The following TBC1D22A variants were observed in gnomAD, a reference collection of about 807,000 sequenced individuals.
TBC1D22A encodes putative GTPase activator.
A neutral mutation model predicts 60.2 loss-of-function variants in TBC1D22A; 38 were observed. The observed-to-expected ratio is 0.63, with a 90% CI of 0.49 to 0.83. The LOEUF (loss-of-function observed/expected upper bound fraction) is 0.83, where lower values mean the gene tolerates loss of function less well. Ranked by LOEUF, TBC1D22A falls within the 40% of genes least tolerant of loss-of-function variation. TBC1D22A has a pLI of 0.00. For synonymous variants in TBC1D22A, 302 were observed against 281.7 expected (o/e 1.07, Z -0.72); for missense variants, 628 against 701.0 (o/e 0.90, Z 1.18).
chr22:46,933,306 G>T (rs1381961060), intron 8 of TBC1D22A, among the ~76,000 whole-genome samples: 2 of 152,216 alleles, frequency 1.3e-5, no homozygotes, highest in African/African-American at 4.8e-5. Context: ...TCAAGGTGAG[G>T]TGCAGGTCCT....
chr22:46,867,120 A>G (rs1216429430), intron 4 of TBC1D22A, among the ~76,000 whole-genome samples: 1 of 152,246 alleles, frequency 6.6e-6, no homozygotes, highest in Non-Finnish European at 1.5e-5. Context: ...GACTTTATTA[A>G]TTCAGCTACG....
At chr22:47,081,314 C>T (rs150182484) in intron 11 of TBC1D22A, among the ~76,000 whole-genome samples, 1 of 152,236 alleles carries the variant, frequency 6.6e-6, no homozygotes, top group African/African-American at 2.4e-5. Context: ...GTGGTAGAAA[C>T]GCTCCATAAA....
intron 8 of TBC1D22A, among the ~76,000 whole-genome samples, chr22:46,916,349 G>A (rs543976457): frequency 6.6e-6 from 1 of 152,320 alleles, no homozygotes; most frequent in Admixed American, 6.5e-5. Flanking sequence ...GTTAGGGTTC[G>A]ATGGGTCTCC....
intron 10 of TBC1D22A, among the ~76,000 whole-genome samples, chr22:47,033,249 T>A (rs1050437804): frequency 6.6e-6 from 1 of 152,204 alleles, no homozygotes; most frequent in Non-Finnish European, 1.5e-5. Flanking sequence ...TCGTAGAACT[T>A]TCTATCAGTT....
chr22:47,158,157 C>T (rs145114226), intron 12 of TBC1D22A, among the ~76,000 whole-genome samples: 1 of 152,216 alleles, frequency 6.6e-6, no homozygotes, highest in African/African-American at 2.4e-5. Flanking sequence ...GTTCTGCACC[C>T]AGCCCCTCCC....
chr22:46,905,403 G>A (rs1257185930), intron 7 of TBC1D22A, among the ~76,000 whole-genome samples: 1 of 152,218 alleles, frequency 6.6e-6, no homozygotes, highest in African/African-American at 2.4e-5. Context: ...AGGAGCTCAG[G>A]GTCTGTGCCT....
At chr22:46,824,167 G>A (rs1443496355) in intron 4 of TBC1D22A, among the ~76,000 whole-genome samples, 1 of 152,208 alleles carries the variant, frequency 6.6e-6, no homozygotes, top group Non-Finnish European at 1.5e-5. Flanking sequence ...TAAGCCTAGA[G>A]TGTGTTTCCT....
intron 4 of TBC1D22A, among the ~76,000 whole-genome samples, chr22:46,810,293 G>A (rs779259641): frequency 1.3e-5 from 2 of 152,162 alleles, no homozygotes; most frequent in East Asian, 3.8e-4. Context: ...CTTCGCTCCC[G>A]ACCCTTCTAT....
chr22:46,984,846 C>T (rs915275779), intron 9 of TBC1D22A, among the ~76,000 whole-genome samples: 1 of 152,196 alleles, frequency 6.6e-6, no homozygotes, highest in African/African-American at 2.4e-5. Context: ...GTGGACTCTG[C>T]CTGTGAGCAG....
chr22:46,873,358 C>A (rs1359075553), intron 4 of TBC1D22A, among the ~76,000 whole-genome samples: 1 of 152,112 alleles, frequency 6.6e-6, no homozygotes, highest in Non-Finnish European at 1.5e-5. Flanking sequence ...CCCTTTAACA[C>A]GTACTAGAAT....
intron 10 of TBC1D22A, among the ~76,000 whole-genome samples, chr22:47,008,378 G>C (rs1313612409): frequency 6.6e-6 from 1 of 152,212 alleles, no homozygotes. Flanking sequence ...AGCTGTGGGT[G>C]TGGCCTTGAT....
intron 4 of TBC1D22A, among the ~76,000 whole-genome samples, chr22:46,870,552 T>C (rs1287171798): frequency 3.3e-5 from 5 of 152,228 alleles, no homozygotes; most frequent in African/African-American, 7.2e-5. Flanking sequence ...TGTGTGAAAA[T>C]ATAGAGACAG....
At chr22:47,035,722 A>G (rs1288194134) in intron 10 of TBC1D22A, among the ~76,000 whole-genome samples, 3 of 152,140 alleles carry the variant, frequency 2.0e-5, no homozygotes, top group East Asian at 1.9e-4. Flanking sequence ...AGAGCTGCCC[A>G]TGCTTTTCCA....
At chr22:46,769,118 A>G (rs1372725012) in intron 1 of TBC1D22A, among the ~76,000 whole-genome samples, 13 of 137,442 alleles carry the variant, frequency 9.5e-5, no homozygotes, top group African/African-American at 3.2e-4. Flanking sequence ...AAAAAAAAAG[A>G]AAGTGTTATG....
At chr22:47,170,430 A>G (rs1248588895) in intron 12 of TBC1D22A, among the ~76,000 whole-genome samples, 1 of 152,240 alleles carries the variant, frequency 6.6e-6, no homozygotes, top group Non-Finnish European at 1.5e-5. Context: ...GTTGCATCTA[A>G]TGGTGAAAGA....
At chr22:46,769,810 G>A (rs1465425679) in intron 1 of TBC1D22A, among the ~76,000 whole-genome samples, 1 of 152,140 alleles carries the variant, frequency 6.6e-6, no homozygotes, top group Non-Finnish European at 1.5e-5. Flanking sequence ...GAGGAAACTG[G>A]TGGGCTTCTG....
chr22:46,922,645 A>G (rs2070823078), intron 8 of TBC1D22A, among the ~76,000 whole-genome samples: 3 of 152,104 alleles, frequency 2.0e-5, no homozygotes, highest in Admixed American at 2.0e-4. Flanking sequence ...GAGATCTTAT[A>G]TGTTACCTGG....
intron 4 of TBC1D22A, among the ~76,000 whole-genome samples, chr22:46,824,959 C>G (rs907833336): frequency 6.6e-6 from 1 of 152,028 alleles, no homozygotes; most frequent in African/African-American, 2.4e-5. Context: ...GATCTGTAGC[C>G]GAGGCAGATG....
At chr22:46,964,445 G>T (rs1479749069) in intron 8 of TBC1D22A, among the ~76,000 whole-genome samples, 1 of 152,130 alleles carries the variant, frequency 6.6e-6, no homozygotes, top group East Asian at 1.9e-4. Flanking sequence ...TTAAAGGGAG[G>T]CCCGTATATT....
Sources: allele counts gnomAD v4.1 joint callset (sites outside exome capture counted in the v4.1 genomes callset), GRCh38; gene constraint gnomAD v4.1.1; transcripts MANE v1.5; gene names NCBI Gene and HGNC (gene_info 2026-07-23, HGNC 2026-07-21).